Variants in SEMA6D observed in about 807,000 individuals in gnomAD.
SEMA6D encodes semaphorin-6D.
A neutral mutation model predicts 106.6 loss-of-function variants in SEMA6D; 35 were observed. The ratio of observed to expected loss-of-function variants is 0.33; its 90% CI spans 0.25 to 0.44. The LOEUF is 0.44. Among genes scored for constraint, SEMA6D ranks in the 20% least tolerant of loss-of-function variants. The probability of loss-of-function intolerance (pLI) is 1.00; values close to 1 mark genes in which losing one functional copy is unlikely to be tolerated. For missense variants in SEMA6D, 1,185 were observed against 1,345.9 expected (o/e 0.88, Z 1.87); for synonymous variants, 499 against 487.7 (o/e 1.02, Z -0.31).
chr15:47,528,515 A>G (rs2044838595), intron 3 of SEMA6D, among the ~76,000 whole-genome samples: 1 of 152,228 alleles, frequency 6.6e-6, no homozygotes, highest in Non-Finnish European at 1.5e-5. Flanking sequence ...TCAGTTGGCC[A>G]ACATTTAGAA....
chr15:47,225,588 C>T (rs551903525), intron 1 of SEMA6D, among the ~76,000 whole-genome samples: 11 of 138,108 alleles, frequency 8.0e-5, no homozygotes, highest in South Asian at 2.2e-4. Context: ...AGTGCAGTGG[C>T]GCGATCTTGG....
intron 4 of SEMA6D, among the ~76,000 whole-genome samples, chr15:47,663,784 T>A (rs1013194686): frequency 2.6e-5 from 4 of 152,168 alleles, no homozygotes; most frequent in Non-Finnish European, 4.4e-5. Context: ...CTAGAAAATG[T>A]CACTCTCTTT....
chr15:47,409,330 C>T (rs1194862908), intron 1 of SEMA6D, among the ~76,000 whole-genome samples: 2 of 152,178 alleles, frequency 1.3e-5, no homozygotes, highest in Admixed American at 1.3e-4. Flanking sequence ...CTGAAATGCA[C>T]CCTCAGCCAA....
At chr15:47,737,692 T>C (rs2080528275) in intron 1 of SEMA6D, among the ~76,000 whole-genome samples, 3 of 152,206 alleles carry the variant, frequency 2.0e-5, no homozygotes, top group Admixed American at 2.0e-4. Context: ...GTTTACAATT[T>C]TAAGCTGTTT....
At chr15:47,206,851 G>T (rs1195744077) in intron 1 of SEMA6D, among the ~76,000 whole-genome samples, 10 of 152,042 alleles carry the variant, frequency 6.6e-5, no homozygotes, top group Non-Finnish European at 1.5e-4. Flanking sequence ...ACAGCAAGCT[G>T]CTCCCACTGG....
At chr15:47,247,626 A>C (rs1253609088) in intron 1 of SEMA6D, among the ~76,000 whole-genome samples, 1 of 152,168 alleles carries the variant, frequency 6.6e-6, no homozygotes, top group Admixed American at 6.5e-5. Flanking sequence ...TTTCTTATCT[A>C]TCTATCTGTC....
chr15:47,507,263 A>T (rs1039076734), intron 3 of SEMA6D, among the ~76,000 whole-genome samples: 2 of 152,182 alleles, frequency 1.3e-5, no homozygotes, highest in African/African-American at 4.8e-5. Context: ...GAGAAAGAAG[A>T]GTTCCAGTTG....
chr15:47,446,317 G>C (rs972939152), intron 2 of SEMA6D, among the ~76,000 whole-genome samples: 2 of 152,120 alleles, frequency 1.3e-5, no homozygotes, highest in Non-Finnish European at 2.9e-5. Flanking sequence ...GCATACCAGT[G>C]GGGGGCTGGA....
intron 1 of SEMA6D, among the ~76,000 whole-genome samples, chr15:47,218,858 G>T (rs1444875739): frequency 6.6e-6 from 1 of 152,184 alleles, no homozygotes; most frequent in East Asian, 1.9e-4. Context: ...GGGAGGTTAA[G>T]TAACATAGAC....
chr15:47,577,738 T>A (rs2076181176), intron 3 of SEMA6D, among the ~76,000 whole-genome samples: 1 of 152,190 alleles, frequency 6.6e-6, no homozygotes, highest in African/African-American at 2.4e-5. Context: ...TAGCAGACAG[T>A]CTGCCGCTCC....
At chr15:47,376,151 C>A (rs963159549) in intron 1 of SEMA6D, among the ~76,000 whole-genome samples, 6 of 152,224 alleles carry the variant, frequency 3.9e-5, no homozygotes, top group African/African-American at 1.4e-4. Context: ...TCAGTTATTT[C>A]CAGGGACAAG....
At chr15:47,715,165 A>G (rs1297038466), upstream of SEMA6D, among the ~76,000 whole-genome samples, 2 of 152,158 alleles carry the variant, frequency 1.3e-5, no homozygotes, top group East Asian at 3.9e-4. Flanking sequence ...AGTACCCAGA[A>G]AGCAGAGACA....
intron 1 of SEMA6D, among the ~76,000 whole-genome samples, chr15:47,743,040 A>T (rs2080910142): frequency 6.6e-6 from 1 of 152,156 alleles, no homozygotes. Flanking sequence ...CCTCCCCAGG[A>T]TGCCTCCTGT....
chr15:47,578,489 G>A (rs1480778765), intron 3 of SEMA6D, among the ~76,000 whole-genome samples: 1 of 152,180 alleles, frequency 6.6e-6, no homozygotes, highest in Non-Finnish European at 1.5e-5. Context: ...AAAGATCTCA[G>A]CTAAATTGAA....
chr15:47,665,789 G>A (rs776872001), intron 4 of SEMA6D, among the ~76,000 whole-genome samples: 4 of 152,200 alleles, frequency 2.6e-5, no homozygotes, highest in South Asian at 2.1e-4. Context: ...CAGCCTGGGC[G>A]ACAGAGCAAG....
Position 47,771,023 on chromosome 15 carries a change from T to C in SEMA6D, c.2460T>C (p.Ser820=), listed in dbSNP as rs1445368782. ...PSSPPPHSPL[S]HGHIPSAIVL... is the part of the protein sequence containing the mutation. Reference sequence around the variant, plus strand: ...GTCCGCCACCTCATTCCCCATTAAGTCATGGGCATATCCCCAGTGCCATTG... The same window carrying C: ...GTCCGCCACCTCATTCCCCATTAAGCCATGGGCATATCCCCAGTGCCATTG... Residue 820 remains serine (S), a synonymous_variant, in exon 19 of 19, where the codon AGT becomes AGC. Coordinates refer to ENST00000536845, the MANE Select transcript of SEMA6D (RefSeq NM_001358351.3). 4 of 1,614,098 alleles carry C rather than the reference T, an allele frequency of 2.5e-6. No homozygotes were observed. In the Admixed American group the frequency reaches 6.7e-5, roughly 27 times the overall value.
chr15:47,286,859 G>C (rs1191813643), intron 1 of SEMA6D, among the ~76,000 whole-genome samples: 1 of 152,088 alleles, frequency 6.6e-6, no homozygotes, highest in Admixed American at 6.5e-5. Context: ...TAAAGTGGCT[G>C]ATACCCTATC....
At chr15:47,285,258 CTCTG>C (rs1290170734) in intron 1 of SEMA6D, among the ~76,000 whole-genome samples, 8 of 151,918 alleles carry the variant, frequency 5.3e-5, no homozygotes, top group Non-Finnish European at 7.4e-5. Context: ...CTCTCTGTCT[CTCTG>C]TCTTTCTCTT....
intron 8 of SEMA6D, 123 bp downstream of exon 8, chr15:47,762,442 C>A: frequency 9.1e-7 from 1 of 1,100,408 alleles, no homozygotes; most frequent in Non-Finnish European, 1.3e-6. Flanking sequence ...AACAAGTACA[C>A]ACTGCTTTGA....
Sources: allele counts gnomAD v4.1 joint callset (sites outside exome capture counted in the v4.1 genomes callset), GRCh38; gene constraint gnomAD v4.1.1; transcripts MANE v1.5; gene names NCBI Gene and HGNC (gene_info 2026-07-23, HGNC 2026-07-21).